ACSS3: variants seen among roughly 807,000 people sequenced by gnomAD.
ACSS3 encodes the protein acyl-CoA synthetase short chain family member 3, also known as acyl-CoA synthetase short-chain family member 3, mitochondrial.
ACSS3 carries 64 observed loss-of-function variants against 84.2 expected under a neutral mutation model. The observed-to-expected ratio is 0.76, with a 90% CI of 0.62 to 0.94. ACSS3 has a LOEUF of 0.94. Ranked by LOEUF, ACSS3 falls within the 40% of genes least tolerant of loss-of-function variation. The probability of loss-of-function intolerance (pLI) is 0.00; values close to 1 mark genes in which losing one functional copy is unlikely to be tolerated. For synonymous variants in ACSS3, 317 were observed against 310.1 expected (o/e 1.02, Z -0.23); for missense variants, 815 against 867.6 (o/e 0.94, Z 0.76).
At chr12:81,189,447 G>A (rs899647759) in intron 8 of ACSS3, among the ~76,000 whole-genome samples, 15 of 152,212 alleles carry the variant, frequency 9.9e-5, no homozygotes, top group African/African-American at 2.9e-4. Flanking sequence ...TGTCAAAGTT[G>A]TTAATGAGGT....
chr12:81,229,578 CAGTTA>C (rs1271879220), intron 11 of ACSS3, among the ~76,000 whole-genome samples: 2 of 151,852 alleles, frequency 1.3e-5, no homozygotes, highest in African/African-American at 4.8e-5. Context: ...ATAATAAGCT[CAGTTA>C]AGAGAACCCA....
intron 9 of ACSS3, among the ~76,000 whole-genome samples, chr12:81,210,000 G>A (rs189232558): frequency 1.8e-4 from 28 of 152,294 alleles, no homozygotes; most frequent in African/African-American, 5.1e-4. Context: ...TTGGCCAGCT[G>A]CTTTACCTCT....
At chr12:81,143,375 ATT>A in intron 5 of ACSS3, 128 bp downstream of exon 5, 3 of 1,053,144 alleles carry the variant, frequency 2.8e-6, no homozygotes, top group South Asian at 5.3e-5. Context: ...ATTTGCTTTT[ATT>A]TTTTTTTCCT....
At chr12:81,085,659 G>C (rs1400563120) in intron 1 of ACSS3, among the ~76,000 whole-genome samples, 2 of 152,162 alleles carry the variant, frequency 1.3e-5, no homozygotes, top group African/African-American at 4.8e-5. Context: ...ACCTGAAAAA[G>C]ATTTTTGGCT....
At chr12:81,086,060 T>C (rs1881290697) in intron 1 of ACSS3, among the ~76,000 whole-genome samples, 1 of 152,210 alleles carries the variant, frequency 6.6e-6, no homozygotes, top group South Asian at 2.1e-4. Flanking sequence ...TATTGAACTT[T>C]GGCTCTTTGG....
intron 1 of ACSS3, among the ~76,000 whole-genome samples, chr12:81,102,589 G>A (rs890249890): frequency 1.6e-4 from 25 of 152,032 alleles, no homozygotes; most frequent in African/African-American, 5.6e-4. Context: ...TTGGGAGGCC[G>A]AGGCGGGCAG....
intron 5 of ACSS3, among the ~76,000 whole-genome samples, chr12:81,143,752 A>G (rs1886200181): frequency 6.6e-6 from 1 of 152,162 alleles, no homozygotes; most frequent in African/African-American, 2.4e-5. Flanking sequence ...AACAGAGGCA[A>G]TTTATCCAAA....
In ACSS3 at chr12:81,259,780, G is replaced by A. The variant is rs188865753; in HGVS notation, c.*4858G>A. 7.2e-5 allele frequency: 56 copies of A among 778,360 alleles called. No homozygotes were observed. In the East Asian group the frequency reaches 1.5e-3, roughly 21 times the overall value. 48.2% of individuals were successfully genotyped at this position (778,360 alleles called of 1,614,324 possible). A position where few individuals can be genotyped will look rare whatever the true frequency, so the allele number is the denominator to read the frequency against. On this transcript the variant is annotated 3_prime_UTR_variant, in exon 16 of 16. Transcript: ENST00000548058. ...TTACTCCTGTCCTAGAAGATCATGAGAAGGAAATCATCTAGGATGTAGCCA... is the reference window on the plus strand; with the variant it reads ...TTACTCCTGTCCTAGAAGATCATGAAAAGGAAATCATCTAGGATGTAGCCA...
chr12:81,110,419 A>G (rs1883480163), intron 2 of ACSS3, among the ~76,000 whole-genome samples: 1 of 152,162 alleles, frequency 6.6e-6, no homozygotes, highest in South Asian at 2.1e-4. Flanking sequence ...ATATTAAGTG[A>G]TGAGTTATGA....
At chr12:81,138,178 T>G (rs553446855) in intron 3 of ACSS3, among the ~76,000 whole-genome samples, 1 of 152,250 alleles carries the variant, frequency 6.6e-6, no homozygotes, top group African/African-American at 2.4e-5. Context: ...ATTTATTATG[T>G]GTCTCTTTTG....
chr12:81,127,588 C>T (rs190845014), intron 2 of ACSS3, among the ~76,000 whole-genome samples: 63 of 152,256 alleles, frequency 4.1e-4, no homozygotes, highest in African/African-American at 1.5e-3. Flanking sequence ...TTTTAGTAAT[C>T]TGTTTCCTCA....
At chr12:81,182,205 C>A (rs1210241670) in intron 8 of ACSS3, among the ~76,000 whole-genome samples, 4 of 152,134 alleles carry the variant, frequency 2.6e-5, no homozygotes, top group Non-Finnish European at 5.9e-5. Context: ...TAGCAGATTT[C>A]TCAGTAGAAG....
chr12:81,143,304 A>G, intron 5 of ACSS3, 57 bp downstream of exon 5: 1 of 1,399,502 alleles, frequency 7.1e-7, no homozygotes, highest in Non-Finnish European at 9.6e-7. Context: ...TGCACCAAGA[A>G]TGTTTGATCA....
In ACSS3 at chr12:81,109,561, T is replaced by G. The variant is rs1282226469; in HGVS notation, c.313T>G (p.Phe105Val). 1 of 1,603,694 alleles carries G rather than the reference T, an allele frequency of 6.2e-7. No individual in the cohort carries two copies. The highest frequency in any genetic ancestry group is 1.3e-5 in the African/African-American group (1 of 74,512). ...ENKHSPSTRW[F>V]VEGMLNICYN... Reference sequence around the variant, plus strand: ...CTTTACTTTCCAATTATTTTTCAGGTTTGTGGAAGGAATGCTTAACATTTG... The same window carrying G: ...CTTTACTTTCCAATTATTTTTCAGGGTTGTGGAAGGAATGCTTAACATTTG... The change falls in exon 2 of 16, where the codon TTT becomes GTT. Residue 105 changes from phenylalanine to valine, a missense_variant and splice_region_variant. Transcript: ENST00000548058.
intron 9 of ACSS3, among the ~76,000 whole-genome samples, chr12:81,204,405 C>T (rs1326626534): frequency 1.3e-5 from 2 of 150,002 alleles, no homozygotes; most frequent in South Asian, 4.3e-4. Context: ...CCTTACCTCT[C>T]TTCCACCCTT....
At chr12:81,231,179 T>C in intron 12 of ACSS3, 41 bp downstream of exon 12, 1 of 1,463,020 alleles carries the variant, frequency 6.8e-7, no homozygotes, top group Non-Finnish European at 9.4e-7. Flanking sequence ...TTATGTACTT[T>C]TCTATAATTC....
chr12:81,229,924 T>C (rs1332579471), intron 11 of ACSS3, among the ~76,000 whole-genome samples: 2 of 151,884 alleles, frequency 1.3e-5, no homozygotes, highest in Non-Finnish European at 2.9e-5. Flanking sequence ...TAACAGCATT[T>C]TGTTCCTGAC....
chr12:81,109,555 T>C lies in ACSS3; in HGVS notation c.312-5T>C. On this transcript the variant is annotated splice_polypyrimidine_tract_variant and splice_region_variant and intron_variant, in intron 1 of 15. Transcript: ENST00000548058. Reference sequence around the variant, plus strand: ...ATTCACCTTTACTTTCCAATTATTTTTCAGGTTTGTGGAAGGAATGCTTAA... The same window carrying C: ...ATTCACCTTTACTTTCCAATTATTTCTCAGGTTTGTGGAAGGAATGCTTAA... 6.2e-7 allele frequency: 1 copy of C among 1,600,792 alleles called. No homozygotes were observed. The highest frequency in any genetic ancestry group is 1.3e-5 in the African/African-American group (1 of 74,420).
At position 81,260,101 on chromosome 12, in the gene ACSS3, G is replaced by T. The variant is rs1259198215; in HGVS notation, c.*5179G>T. On this transcript the variant is annotated 3_prime_UTR_variant, in exon 16 of 16. Coordinates refer to ENST00000548058, the MANE Select transcript of ACSS3 (RefSeq NM_024560.4). Reference sequence around the variant, plus strand: ...AATAAGTCACCTATTGTAAACGTTTGTGTCAGTAGTATGGCATTGCTGATT... The same window carrying T: ...AATAAGTCACCTATTGTAAACGTTTTTGTCAGTAGTATGGCATTGCTGATT... 1 of 153,276 alleles carries T rather than the reference G, an allele frequency of 6.5e-6. No homozygotes were observed. Among genetic ancestry groups the T allele is most frequent in the Admixed American group, 6.5e-5 (1 of 15,370 alleles). 9.5% of individuals were successfully genotyped at this position (153,276 alleles called of 1,614,324 possible). A position where few individuals can be genotyped will look rare whatever the true frequency, so the allele number is the denominator to read the frequency against.
Sources: allele counts gnomAD v4.1 joint callset (sites outside exome capture counted in the v4.1 genomes callset), GRCh38; gene constraint gnomAD v4.1.1; transcripts MANE v1.5; gene names NCBI Gene and HGNC (gene_info 2026-07-23, HGNC 2026-07-21).